Variants in SCOC observed in about 807,000 individuals in gnomAD.
SCOC encodes the protein short coiled-coil protein, also known as short coiled coil protein.
In SCOC, 7 loss-of-function variants were observed where a neutral mutation model predicts 9.9. That is an observed-to-expected ratio of 0.71 (90% CI 0.40 to 1.33). The LOEUF is 1.33. Ranked by LOEUF, SCOC falls within the 40% of genes most tolerant of loss-of-function variation. The pLI is 0.01. For synonymous variants in SCOC, 19 were observed against 28.2 expected, an observed-to-expected ratio of 0.67 and a Z score of 1.03; for missense variants, 66 against 89.7, an observed-to-expected ratio of 0.74 and a Z score of 1.07.
chr4:140,334,012 G>A (rs1297902646), intron 1 of SCOC, among the ~76,000 whole-genome samples: 4 of 151,956 alleles, frequency 2.6e-5, no homozygotes, highest in African/African-American at 9.7e-5. Context: ...TGAACTCCTG[G>A]GTTCAAGTGA....
chr4:140,374,902 G>A (rs1728269008), intron 1 of SCOC, among the ~76,000 whole-genome samples: 1 of 152,180 alleles, frequency 6.6e-6, no homozygotes, highest in South Asian at 2.1e-4. Context: ...TCCTTCTGTT[G>A]ATTTGATGAA....
chr4:140,365,691 A>G (rs1015004926), intron 2 of SCOC, among the ~76,000 whole-genome samples: 8 of 152,118 alleles, frequency 5.3e-5, no homozygotes, highest in African/African-American at 1.9e-4. Context: ...AGCTTGTTCA[A>G]TGTGAAAATG....
intron 1 of SCOC, among the ~76,000 whole-genome samples, chr4:140,288,427 G>A (rs1731363689): frequency 6.7e-6 from 1 of 149,870 alleles, no homozygotes; most frequent in South Asian, 2.1e-4. Flanking sequence ...ACACACACAG[G>A]TACACATCAC....
At chr4:140,309,765 A>T (rs1732097925) in intron 1 of SCOC, among the ~76,000 whole-genome samples, 1 of 152,202 alleles carries the variant, frequency 6.6e-6, no homozygotes, top group African/African-American at 2.4e-5. Context: ...AGTTACTCTG[A>T]AGTGCCTATT....
At chr4:140,351,051 G>A (rs2001504) in intron 2 of SCOC, among the ~76,000 whole-genome samples, 30,659 of 151,652 alleles carry the variant, frequency 0.2, 3,383 homozygotes, top group South Asian at 0.31. Context: ...TTAGCTGAGC[G>A]TGGTGCCAGG....
intron 1 of SCOC, among the ~76,000 whole-genome samples, chr4:140,281,871 G>A (rs554541490): frequency 4.7e-4 from 71 of 152,308 alleles, no homozygotes; most frequent in African/African-American, 1.6e-3. Context: ...TCTGACCTTA[G>A]TTATCCCTGT....
At chr4:140,305,833 G>A (rs751076504) in intron 1 of SCOC, among the ~76,000 whole-genome samples, 4 of 152,160 alleles carry the variant, frequency 2.6e-5, no homozygotes, top group Non-Finnish European at 4.4e-5. Flanking sequence ...CATTGTGGAA[G>A]GGAGCTGCTT....
At position 140,385,013 on chromosome 4, in the gene SCOC, C is replaced by T. The variant is rs1728659682; in HGVS notation, c.*3909C>T. The T allele has an allele frequency of 6.6e-6, 1 of 151,716 alleles. No homozygotes were observed. The highest frequency in any genetic ancestry group is 6.6e-5 in the Admixed American group (1 of 15,196). 9.4% of individuals were successfully genotyped at this position (151,716 alleles called of 1,614,324 possible). On this transcript the variant is annotated 3_prime_UTR_variant, in exon 4 of 4. Coordinates refer to ENST00000608372, the MANE Select transcript of SCOC (RefSeq NM_001153484.2). ...CACTGATCTCTCAGACTTCCAGCTT[C>T]CAAAACTGAGAAATAAATTTGTTTA...
chr4:140,332,716 T>C (rs150833392), intron 1 of SCOC, among the ~76,000 whole-genome samples: 2 of 152,254 alleles, frequency 1.3e-5, no homozygotes, highest in South Asian at 2.1e-4. Context: ...ACTCTCCATA[T>C]TGGCAAATGC....
In SCOC at chr4:140,332,165, G is replaced by T. The variant is rs181399470; in HGVS notation, c.-18-11456G>T. Among the ~76,000 whole-genome samples, 302 of 152,168 alleles carry T rather than the reference G, an allele frequency of 2.0e-3. 3 individuals are homozygous for T. The highest frequency in any genetic ancestry group is 6.8e-3 in the African/African-American group (283 of 41,526). On this transcript the variant is annotated intron_variant, in intron 1 of 4. Coordinates refer to the SCOC transcript ENST00000394205. Reference sequence around the variant, plus strand: ...GCTACCAGGCCCCACCTCCAGCACTGGGGATTACATTTCAACATGAGATTT... The same window carrying T: ...GCTACCAGGCCCCACCTCCAGCACTTGGGATTACATTTCAACATGAGATTT...
intron 1 of SCOC, among the ~76,000 whole-genome samples, chr4:140,323,688 G>A (rs1360796427): frequency 2.6e-5 from 4 of 152,106 alleles, no homozygotes; most frequent in Non-Finnish European, 5.9e-5. Flanking sequence ...ACTTAAGAAA[G>A]ATACCTAACC....
At chr4:140,342,778 A>C (rs568135716), upstream of SCOC, among the ~76,000 whole-genome samples, 1 of 152,314 alleles carries the variant, frequency 6.6e-6, no homozygotes, top group South Asian at 2.1e-4. Flanking sequence ...CACCTGGATA[A>C]ATAGTTGTAA....
intron 1 of SCOC, among the ~76,000 whole-genome samples, chr4:140,261,555 G>A (rs553582455): frequency 6.6e-6 from 1 of 152,292 alleles, no homozygotes; most frequent in East Asian, 1.9e-4. Flanking sequence ...CTGCATTCAT[G>A]AAATATTTAG....
rs556690389 is a variant in SCOC, at chr4:140,373,689, C to A, written c.-79C>A. On this transcript the variant is annotated 5_prime_UTR_variant, in exon 1 of 4. Coordinates refer to ENST00000608372, the MANE Select transcript of SCOC (RefSeq NM_001153484.2). Reference sequence around the variant, plus strand: ...CCCGGCCTGAGGTGTCGGCCGGATCCCTCCTTCTCCCGGCGCCTCAAGCGG... The same window carrying A: ...CCCGGCCTGAGGTGTCGGCCGGATCACTCCTTCTCCCGGCGCCTCAAGCGG... The A allele has an allele frequency of 6.5e-7, 1 of 1,549,860 alleles. No individual in the cohort carries two copies. The highest frequency in any genetic ancestry group is 1.4e-5 in the African/African-American group (1 of 73,030).
chr4:140,288,894 G>C (rs942284874), intron 1 of SCOC, among the ~76,000 whole-genome samples: 3 of 151,396 alleles, frequency 2.0e-5, no homozygotes, highest in Non-Finnish European at 4.4e-5. Flanking sequence ...TACATACACA[G>C]CTCCACCATA....
intron 1 of SCOC, among the ~76,000 whole-genome samples, chr4:140,315,890 G>C (rs547186654): frequency 6.6e-6 from 1 of 152,104 alleles, no homozygotes; most frequent in African/African-American, 2.4e-5. Flanking sequence ...AGAGAAATAG[G>C]CCCAACATGT....
At chr4:140,273,854 T>C (rs538598550) in intron 1 of SCOC, among the ~76,000 whole-genome samples, 20 of 152,334 alleles carry the variant, frequency 1.3e-4, no homozygotes, top group African/African-American at 4.6e-4. Context: ...CAATCAAAAG[T>C]GTAACAGTTT....
At chr4:140,300,112 C>T (rs1446257289) in intron 1 of SCOC, among the ~76,000 whole-genome samples, 5 of 152,160 alleles carry the variant, frequency 3.3e-5, no homozygotes, top group African/African-American at 7.2e-5. Flanking sequence ...CTGTGGGTCC[C>T]GGAGACAAAG....
chr4:140,317,428 T>C (rs1732354173), intron 1 of SCOC, among the ~76,000 whole-genome samples: 1 of 152,068 alleles, frequency 6.6e-6, no homozygotes, highest in Non-Finnish European at 1.5e-5. Flanking sequence ...AAAATCCCTG[T>C]CCTGTTCTGT....
Sources: allele counts gnomAD v4.1 joint callset (sites outside exome capture counted in the v4.1 genomes callset), GRCh38; gene constraint gnomAD v4.1.1; transcripts MANE v1.5; gene names NCBI Gene and HGNC (gene_info 2026-07-23, HGNC 2026-07-21).